TRPM3: variants seen among roughly 807,000 people sequenced by gnomAD.
TRPM3 encodes the protein transient receptor potential cation channel subfamily M member 3, also known as long transient receptor potential channel 3.
TRPM3 carries 77 observed loss-of-function variants against 181.2 expected under a neutral mutation model. The ratio of observed to expected loss-of-function variants is 0.42; its 90% CI spans 0.35 to 0.51. The LOEUF (loss-of-function observed/expected upper bound fraction) is 0.51, where lower values mean the gene tolerates loss of function less well. TRPM3 is among the 20% of genes least tolerant of loss of function. The pLI is 0.01. For synonymous variants in TRPM3, 745 were observed against 796.4 expected (o/e 0.94, Z 1.09); for missense variants, 1,759 against 2,196.7 (o/e 0.80, Z 3.98).
At chr9:70,986,096 A>G (rs527281098) in intron 1 of TRPM3, among the ~76,000 whole-genome samples, 1 of 152,338 alleles carries the variant, frequency 6.6e-6, no homozygotes, top group South Asian at 2.1e-4. Flanking sequence ...ACTGTGGCTC[A>G]TGCTTGTAAT....
At chr9:70,571,462 C>T (rs946766477) in intron 22 of TRPM3, among the ~76,000 whole-genome samples, 4 of 152,066 alleles carry the variant, frequency 2.6e-5, no homozygotes, top group African/African-American at 7.2e-5. Context: ...GTTTCTGAGC[C>T]GCCTGCCAGG....
At chr9:71,097,535 T>A (rs2067533743) in intron 1 of TRPM3, among the ~76,000 whole-genome samples, 1 of 152,138 alleles carries the variant, frequency 6.6e-6, no homozygotes, top group Non-Finnish European at 1.5e-5. Context: ...CACAGAGAAC[T>A]TTCTGATACT....
chr9:71,381,276 G>A (rs1022911486), intron 1 of TRPM3, among the ~76,000 whole-genome samples: 1 of 152,090 alleles, frequency 6.6e-6, no homozygotes, highest in Non-Finnish European at 1.5e-5. Flanking sequence ...CATTCAGACT[G>A]GTAGATTAGG....
intron 1 of TRPM3, among the ~76,000 whole-genome samples, chr9:71,243,419 C>G (rs1395201747): frequency 6.6e-6 from 1 of 152,210 alleles, no homozygotes; most frequent in Non-Finnish European, 1.5e-5. Flanking sequence ...GGAAGAGTGT[C>G]TTCCTGACTG....
At chr9:71,270,032 G>A (rs996385545) in intron 1 of TRPM3, among the ~76,000 whole-genome samples, 4 of 152,012 alleles carry the variant, frequency 2.6e-5, no homozygotes, top group Admixed American at 2.0e-4. Context: ...GGTCATATCC[G>A]GTTCTTTTCT....
At chr9:71,206,656 T>C (rs1335018492) in intron 1 of TRPM3, among the ~76,000 whole-genome samples, 1 of 152,202 alleles carries the variant, frequency 6.6e-6, no homozygotes, top group Non-Finnish European at 1.5e-5. Flanking sequence ...ATGAAGACTT[T>C]GCTCATGCCT....
At chr9:71,119,600 A>T (rs550660316) in intron 1 of TRPM3, among the ~76,000 whole-genome samples, 2 of 152,322 alleles carry the variant, frequency 1.3e-5, no homozygotes, top group African/African-American at 4.8e-5. Context: ...CTATCTGTCA[A>T]GAAGAGTTAA....
chr9:70,557,920 A>C (rs531706972), intron 22 of TRPM3, among the ~76,000 whole-genome samples: 4 of 152,184 alleles, frequency 2.6e-5, no homozygotes, highest in African/African-American at 9.6e-5. Context: ...ATATTTCCCC[A>C]TCCTAGTTTC....
intron 1 of TRPM3, among the ~76,000 whole-genome samples, chr9:71,126,699 C>G (rs1268318016): frequency 6.6e-6 from 1 of 152,134 alleles, no homozygotes; most frequent in Admixed American, 6.5e-5. Context: ...GGTTAAGCAG[C>G]ATTTATTCCA....
At chr9:70,553,931 G>A (rs763507317) in intron 22 of TRPM3, among the ~76,000 whole-genome samples, 2 of 152,116 alleles carry the variant, frequency 1.3e-5, no homozygotes, top group Non-Finnish European at 2.9e-5. Flanking sequence ...TCATTAGGAG[G>A]GCAATGAGGG....
At position 71,282,290 on chromosome 9, in the gene TRPM3, AAAG is replaced by A. The variant is rs751357227; in HGVS notation, c.183+164360_183+164362del. Among the ~76,000 whole-genome samples the A allele has an allele frequency of 7.7e-3, 858 of 111,368 alleles. 125 individuals carry two copies. The highest frequency in any genetic ancestry group is 0.013 in the Non-Finnish European group (666 of 50,348). The allele number at this position is 111,368 out of a possible 152,430, so 73.1% of individuals were successfully genotyped here. A position where few individuals can be genotyped will look rare whatever the true frequency, so the allele number is the denominator to read the frequency against. On this transcript the variant is annotated intron_variant, in intron 1 of 24. Coordinates refer to the TRPM3 transcript ENST00000357533. ...AAAGAGAGAAAGAAAGAAAAGAAAG[AAAG>A]AAAAAGAAAGAACGAAAGAAAGAAA...
chr9:70,997,613 A>C (rs1477787384), intron 1 of TRPM3, among the ~76,000 whole-genome samples: 1 of 152,136 alleles, frequency 6.6e-6, no homozygotes, highest in East Asian at 1.9e-4. Flanking sequence ...GAGTAGAGGA[A>C]TACCTAAACT....
chr9:71,046,175 T>C (rs528888771), intron 1 of TRPM3, among the ~76,000 whole-genome samples: 12 of 152,172 alleles, frequency 7.9e-5, no homozygotes, highest in Admixed American at 2.0e-4. Context: ...TTAGTAGAGA[T>C]GGGGTTTCAC....
intron 1 of TRPM3, among the ~76,000 whole-genome samples, chr9:71,041,935 A>G (rs1241842437): frequency 6.6e-6 from 1 of 152,180 alleles, no homozygotes; most frequent in Non-Finnish European, 1.5e-5. Context: ...GTATAAAGAT[A>G]ATTAAAAATA....
At chr9:71,406,093 G>C (rs1374402731) in intron 1 of TRPM3, among the ~76,000 whole-genome samples, 1 of 152,126 alleles carries the variant, frequency 6.6e-6, no homozygotes, top group Non-Finnish European at 1.5e-5. Flanking sequence ...GGCTAACATG[G>C]TGAAACCCTG....
At chr9:71,442,552 A>T (rs2094149004) in intron 1 of TRPM3, among the ~76,000 whole-genome samples, 1 of 152,226 alleles carries the variant, frequency 6.6e-6, no homozygotes, top group Non-Finnish European at 1.5e-5. Context: ...AAATATGGTA[A>T]ATTGTACATG....
chr9:71,037,979 T>C lies in TRPM3; in HGVS notation c.177+83199A>G, dbSNP rs559228573. Among the ~76,000 whole-genome samples, 12 of 152,356 alleles carry C rather than the reference T, an allele frequency of 7.9e-5. No individual in the cohort carries two copies. The South Asian group carries it at 1.0e-3, about 13-fold the overall frequency. On this transcript the variant is annotated intron_variant, in intron 1 of 25. Coordinates refer to ENST00000677713, the MANE Select transcript of TRPM3 (RefSeq NM_001366145.2). ...AAGGTTTTTATATACTTTTATTTTC[T>C]TCTTCAGTCAAAACACAGTAGTGCT...
chr9:71,406,378 C>G (rs2131413671), intron 1 of TRPM3, among the ~76,000 whole-genome samples: 1 of 152,214 alleles, frequency 6.6e-6, no homozygotes, highest in South Asian at 2.1e-4. Context: ...AATAAAAGGA[C>G]AGAAAGCTAT....
At chr9:70,824,521 G>A (rs1178527827) in intron 6 of TRPM3, 5 of 151,992 alleles carry the variant, frequency 3.3e-5, no homozygotes, top group African/African-American at 1.2e-4. Flanking sequence ...TCCGCCTCCA[G>A]GGTTCAAACA....
Sources: gnomAD v4.1 joint callset for allele counts (sites outside exome capture counted in the v4.1 genomes callset) on GRCh38, gnomAD v4.1.1 for gene constraint, MANE v1.5 for transcripts, NCBI Gene and HGNC (gene_info 2026-07-23, HGNC 2026-07-21) for gene names.